The following GNG10 variants were observed in gnomAD, a reference collection of about 807,000 sequenced individuals.
GNG10 encodes G protein subunit gamma 10.
Under a neutral mutation model 6.8 loss-of-function variants are expected in GNG10, and 7 were observed. The observed-to-expected ratio is 1.02, with a 90% CI of 0.58 to 1.92. The LOEUF (loss-of-function observed/expected upper bound fraction) is 1.92, where lower values mean the gene tolerates loss of function less well. Ranked by LOEUF, GNG10 falls within the 30% of genes most tolerant of loss-of-function variation. The pLI is 0.00. For missense variants in GNG10, 57 were observed against 86.1 expected (o/e 0.66, Z 1.34); for synonymous variants, 28 against 34.8 (o/e 0.80, Z 0.69).
Position 111,661,811 on chromosome 9 carries a change from G to C in GNG10, c.81+96G>C. On this transcript the variant is annotated intron_variant, in intron 1 of 2. Transcript: ENST00000374293. The surrounding 1 kb of genome is among the most constrained non-coding windows in gnomAD (Gnocchi z 6.1). ...GGACCGGGCGCCAGCGGGGGACTCG[G>C]TGGCGGCGGCGAGGCCTCGGCGGGG... The C allele has an allele frequency of 2.9e-6, 2 of 678,572 alleles. No individual in the cohort carries two copies. The highest frequency in any genetic ancestry group is 4.0e-6 in the Non-Finnish European group (2 of 505,480). 42.0% of individuals were successfully genotyped at this position (678,572 alleles called of 1,614,324 possible).
chr9:111,661,887 G>T lies in GNG10; in HGVS notation c.81+172G>T, dbSNP rs1483870360. On this transcript the variant is annotated intron_variant, in intron 1 of 2. Transcript: ENST00000374293. This position sits in a 1 kb window ranked among gnomAD's most constrained non-coding sequence, Gnocchi z 6.1. ...AGGGAGGGCGCGGGGCAAGCCGGGGGCCCGGGCCTGACGGGAGGAAGCCGC... is the reference window on the plus strand; with the variant it reads ...AGGGAGGGCGCGGGGCAAGCCGGGGTCCCGGGCCTGACGGGAGGAAGCCGC... Among the ~76,000 whole-genome samples, 1 of 151,416 alleles carries T rather than the reference G, an allele frequency of 6.6e-6. No homozygotes were observed. Among genetic ancestry groups the T allele is most frequent in the Non-Finnish European group, 1.5e-5 (1 of 67,826 alleles).
chr9:111,668,482 C>G (rs1460349720), intron 2 of GNG10, among the ~76,000 whole-genome samples: 1 of 141,664 alleles, frequency 7.1e-6, no homozygotes, highest in Non-Finnish European at 1.5e-5. Flanking sequence ...TCCTTCTTTC[C>G]TTCCTTCTCT....
At position 111,669,898 on chromosome 9, in the gene GNG10, A is replaced by T. The variant is rs1830971869; in HGVS notation, c.*636A>T. The T allele has an allele frequency of 7.2e-6, 1 of 138,622 alleles. No individual in the cohort carries two copies. The highest frequency in any genetic ancestry group is 1.5e-5 in the Non-Finnish European group (1 of 65,532). 8.6% of individuals were successfully genotyped at this position (138,622 alleles called of 1,614,324 possible). On this transcript the variant is annotated 3_prime_UTR_variant, in exon 3 of 3. Transcript: ENST00000374293. ...CTTCTTTGGAAAAGTTAATGTTATG[A>T]TGTGCATTAGGCTGCCCCATCGTGT...
At chr9:111,662,434 G>T (rs1473522156) in intron 1 of GNG10, among the ~76,000 whole-genome samples, 1 of 152,102 alleles carries the variant, frequency 6.6e-6, no homozygotes, top group Non-Finnish European at 1.5e-5. Context: ...TCCGAGCAAG[G>T]CCTAGAGAAG....
At chr9:111,666,530 T>C (rs1048303314) in intron 1 of GNG10, among the ~76,000 whole-genome samples, 4 of 152,262 alleles carry the variant, frequency 2.6e-5, no homozygotes, top group Admixed American at 1.3e-4. Context: ...GCTATTTCTT[T>C]ACCCGTTCAG....
At chr9:111,662,229 A>T (rs188219397) in intron 1 of GNG10, among the ~76,000 whole-genome samples, 2 of 152,046 alleles carry the variant, frequency 1.3e-5, no homozygotes, top group East Asian at 3.9e-4. Context: ...GGACCTGGGG[A>T]CTCCGGGGAG....
chr9:111,665,229 CAAAA>C (rs143664022), intron 1 of GNG10, among the ~76,000 whole-genome samples: 4 of 134,236 alleles, frequency 3.0e-5, no homozygotes, highest in Non-Finnish European at 6.5e-5. Context: ...CCTTTTAATG[CAAAA>C]AAAAAAAGTA....
chr9:111,664,851 A>C (rs1830874455), intron 1 of GNG10, among the ~76,000 whole-genome samples: 2 of 152,186 alleles, frequency 1.3e-5, no homozygotes, highest in Non-Finnish European at 2.9e-5. Context: ...CCCCAATGCA[A>C]AGATAGTAAG....
At chr9:111,667,565 C>T (rs1171286953) in intron 2 of GNG10, among the ~76,000 whole-genome samples, 1 of 152,064 alleles carries the variant, frequency 6.6e-6, no homozygotes, top group Non-Finnish European at 1.5e-5. Context: ...CCTCTCTGTC[C>T]TTATAGCATC....
intron 1 of GNG10, among the ~76,000 whole-genome samples, chr9:111,664,134 C>T (rs540193583): frequency 4.6e-4 from 70 of 152,146 alleles, no homozygotes; most frequent in Middle Eastern, 3.4e-3. Flanking sequence ...GGCACCTGGC[C>T]GGAAAGATGT....
chr9:111,669,598 G>T lies in GNG10; in HGVS notation c.*336G>T, dbSNP rs1423868215. On this transcript the variant is annotated 3_prime_UTR_variant, in exon 3 of 3. Transcript: ENST00000374293. ...AAGATTTCTATACCTGGAATATCAT[G>T]TATGTTTCATTTACTGGATGTTTAC... 1 of 146,422 alleles carries T rather than the reference G, an allele frequency of 6.8e-6. No homozygotes were observed. Among genetic ancestry groups the T allele is most frequent in the African/African-American group, 2.6e-5 (1 of 39,020 alleles). 9.1% of individuals were successfully genotyped at this position (146,422 alleles called of 1,614,324 possible). A position where few individuals can be genotyped will look rare whatever the true frequency, so the allele number is the denominator to read the frequency against.
intron 1 of GNG10, 51 bp from the exon 2 acceptor site, chr9:111,666,764 C>G: frequency 6.3e-7 from 1 of 1,585,170 alleles, no homozygotes; most frequent in Non-Finnish European, 8.6e-7. Flanking sequence ...CCTTGACTGC[C>G]GGGTGGCTTG....
At chr9:111,662,364 G>A (rs909212305) in intron 1 of GNG10, among the ~76,000 whole-genome samples, 5 of 152,142 alleles carry the variant, frequency 3.3e-5, no homozygotes, top group Non-Finnish European at 5.9e-5. Flanking sequence ...CTGGGACCCG[G>A]GGACCAGCCA....
In GNG10 at chr9:111,669,607, A is replaced by G. The variant is rs1011635043; in HGVS notation, c.*345A>G. 2 of 145,354 alleles carry G rather than the reference A, an allele frequency of 1.4e-5. No homozygotes were observed. Among genetic ancestry groups the G allele is most frequent in the Non-Finnish European group, 3.0e-5 (2 of 67,022 alleles). The allele number at this position is 145,354 out of a possible 1,614,324, so 9.0% of individuals were successfully genotyped here. The stretch of plus-strand genomic sequence containing the variant: ...ATACCTGGAATATCATGTATGTTTC[A>G]TTTACTGGATGTTTACATTTTAGGA... On this transcript the variant is annotated 3_prime_UTR_variant, in exon 3 of 3. Coordinates refer to ENST00000374293, the MANE Select transcript of GNG10 (RefSeq NM_001017998.4).
At position 111,661,756 on chromosome 9, in the gene GNG10, C is replaced by T; in HGVS notation, c.81+41C>T. On this transcript the variant is annotated intron_variant, in intron 1 of 2. Coordinates refer to ENST00000374293, the MANE Select transcript of GNG10 (RefSeq NM_001017998.4). The surrounding 1 kb of genome is among the most constrained non-coding windows in gnomAD (Gnocchi z 6.1). Reference sequence around the variant, plus strand: ...ACCCACGCTCCGGTCCTTCCGCCCGCGGGGCGTGAGAAGAGGAGGCCGGCG... The same window carrying T: ...ACCCACGCTCCGGTCCTTCCGCCCGTGGGGCGTGAGAAGAGGAGGCCGGCG... The T allele has an allele frequency of 1.7e-6, 2 of 1,211,294 alleles. No homozygotes were observed. The highest frequency in any genetic ancestry group is 2.1e-6 in the Non-Finnish European group (2 of 938,154). The allele number at this position is 1,211,294 out of a possible 1,614,324, so 75.0% of individuals were successfully genotyped here. A position where few individuals can be genotyped will look rare whatever the true frequency, so the allele number is the denominator to read the frequency against.
rs139388581 is a variant in GNG10 at position 111,661,947 on chromosome 9, T to A, written c.81+232T>A. ...GCCCCGCGGTCGTGGTCGGTCCCGGTCCCTGGGGGTGCGCCCACTCCAGAA... is the reference window on the plus strand; with the variant it reads ...GCCCCGCGGTCGTGGTCGGTCCCGGACCCTGGGGGTGCGCCCACTCCAGAA... On this transcript the variant is annotated intron_variant, in intron 1 of 2. Coordinates refer to ENST00000374293, the MANE Select transcript of GNG10 (RefSeq NM_001017998.4). This position sits in a 1 kb window ranked among gnomAD's most constrained non-coding sequence, Gnocchi z 6.1. Among the ~76,000 whole-genome samples, 328 of 151,772 alleles carry A rather than the reference T, an allele frequency of 2.2e-3. 5 individuals are homozygous for A. In the East Asian group the frequency reaches 0.029, roughly 13 times the overall value.
chr9:111,667,584 G>A (rs1830924387), intron 2 of GNG10, among the ~76,000 whole-genome samples: 1 of 152,074 alleles, frequency 6.6e-6, no homozygotes, highest in South Asian at 2.1e-4. Context: ...TCCAAGGGTT[G>A]GGATTTGCTA....
intron 1 of GNG10, 32 bp from the exon 2 acceptor site, chr9:111,666,783 C>T: frequency 3.1e-6 from 5 of 1,605,294 alleles, no homozygotes; most frequent in Non-Finnish European, 4.3e-6. Flanking sequence ...TGGCTGTGAG[C>T]AGGGTGCCAT....
chr9:111,668,428 T>C (rs1210077649), intron 2 of GNG10, among the ~76,000 whole-genome samples: 4 of 119,548 alleles, frequency 3.3e-5, no homozygotes, highest in Admixed American at 8.9e-5. Flanking sequence ...GCTTCCTTCT[T>C]CCCTCCCCTC....
Sources: allele counts gnomAD v4.1 joint callset (sites outside exome capture counted in the v4.1 genomes callset), GRCh38; gene constraint gnomAD v4.1.1; non-coding constraint Gnocchi (gnomAD v3.1); transcripts MANE v1.5; gene names NCBI Gene and HGNC (gene_info 2026-07-23, HGNC 2026-07-21).